Variants in ROR1 observed in about 807,000 individuals in gnomAD.
ROR1 encodes the protein ROR family WNT receptor 1.
Under a neutral mutation model 78.8 loss-of-function variants are expected in ROR1, and 19 were observed. The observed-to-expected ratio is 0.24, with a 90% CI of 0.17 to 0.35. The LOEUF is 0.35. Ranked by LOEUF, ROR1 falls within the 10% of genes least tolerant of loss-of-function variation. ROR1 has a pLI of 1.00. For missense variants in ROR1, 917 were observed against 1,177.8 expected, an observed-to-expected ratio of 0.78 and a Z score of 3.24; for synonymous variants, 386 against 433.6, an observed-to-expected ratio of 0.89 and a Z score of 1.36.
chr1:64,063,832 G>T (rs1400869026), intron 4 of ROR1, among the ~76,000 whole-genome samples: 1 of 152,108 alleles, frequency 6.6e-6, no homozygotes, highest in Non-Finnish European at 1.5e-5. Flanking sequence ...TCTCAGAGTG[G>T]TACCCAGTCA....
intron 1 of ROR1, among the ~76,000 whole-genome samples, chr1:63,865,534 T>C (rs531978681): frequency 6.6e-6 from 1 of 152,336 alleles, no homozygotes; most frequent in South Asian, 2.1e-4. Flanking sequence ...AGCAAGTTTA[T>C]TTAATTTTGT....
At chr1:64,009,860 G>A (rs1424207725) in intron 2 of ROR1, among the ~76,000 whole-genome samples, 2 of 152,112 alleles carry the variant, frequency 1.3e-5, no homozygotes, top group Non-Finnish European at 2.9e-5. Context: ...ACAGGTTTCT[G>A]CTAGGAGATT....
chr1:64,038,007 C>T (rs1646716772), intron 2 of ROR1, among the ~76,000 whole-genome samples: 1 of 152,152 alleles, frequency 6.6e-6, no homozygotes, highest in Non-Finnish European at 1.5e-5. Flanking sequence ...TCACCCCCTC[C>T]TGAGCATAAA....
At chr1:63,822,227 T>G (rs1644927663) in intron 1 of ROR1, among the ~76,000 whole-genome samples, 1 of 152,198 alleles carries the variant, frequency 6.6e-6, no homozygotes, top group African/African-American at 2.4e-5. Context: ...CTGATGAAAC[T>G]GTGGTATATG....
At chr1:64,057,159 A>G (rs1284450338) in intron 4 of ROR1, among the ~76,000 whole-genome samples, 1 of 152,142 alleles carries the variant, frequency 6.6e-6, no homozygotes, top group African/African-American at 2.4e-5. Flanking sequence ...TTTTTGGTCC[A>G]TCTTGAATTA....
intron 1 of ROR1, among the ~76,000 whole-genome samples, chr1:63,809,614 C>T (rs1644848662): frequency 6.6e-6 from 1 of 152,094 alleles, no homozygotes; most frequent in African/African-American, 2.4e-5. Flanking sequence ...AATGTACTTC[C>T]AATGTGGCAT....
chr1:63,951,939 C>A (rs1179006752), intron 1 of ROR1, among the ~76,000 whole-genome samples: 1 of 152,050 alleles, frequency 6.6e-6, no homozygotes, highest in African/African-American at 2.4e-5. Context: ...TTCATTGGTT[C>A]ATTTATTAAA....
chr1:63,923,598 A>G (rs1256312090), intron 1 of ROR1, among the ~76,000 whole-genome samples: 1 of 151,602 alleles, frequency 6.6e-6, no homozygotes, highest in Non-Finnish European at 1.5e-5. Context: ...CTACCACCTT[A>G]GTCTAAATCA....
chr1:63,930,579 C>T (rs1361944249), intron 1 of ROR1, among the ~76,000 whole-genome samples: 1 of 152,160 alleles, frequency 6.6e-6, no homozygotes, highest in Non-Finnish European at 1.5e-5. Flanking sequence ...ACACACAAGA[C>T]CTTACAGAAG....
At chr1:63,972,713 T>C (rs1311437837) in intron 1 of ROR1, among the ~76,000 whole-genome samples, 1 of 152,092 alleles carries the variant, frequency 6.6e-6, no homozygotes, top group Non-Finnish European at 1.5e-5. Context: ...TGAAAAGTAA[T>C]GGGGACTCTT....
intron 4 of ROR1, among the ~76,000 whole-genome samples, chr1:64,135,683 C>G (rs908841652): frequency 6.6e-6 from 1 of 152,132 alleles, no homozygotes; most frequent in Non-Finnish European, 1.5e-5. Context: ...TTCAGCATTA[C>G]TCTAGGATTT....
chr1:64,089,500 C>A (rs541040194), intron 4 of ROR1, among the ~76,000 whole-genome samples: 1 of 152,114 alleles, frequency 6.6e-6, no homozygotes, highest in African/African-American at 2.4e-5. Context: ...GGTGAGCCAC[C>A]GCGCCAGGCC....
chr1:64,005,716 C>T lies in ROR1; in HGVS notation c.92-3589C>T, dbSNP rs1253082211. Reference sequence around the variant, plus strand: ...AAGAAAAAAAGCTTATTAAACATCACTTTGTGAGGGGAGATTATTAATATT... The same window carrying T: ...AAGAAAAAAAGCTTATTAAACATCATTTTGTGAGGGGAGATTATTAATATT... On this transcript the variant is annotated intron_variant, in intron 1 of 8. Coordinates refer to ENST00000371079, the MANE Select transcript of ROR1 (RefSeq NM_005012.4). 2.2e-4 allele frequency among the ~76,000 whole-genome samples: 34 copies of T among 152,048 alleles called. 1 individual carries two copies. The highest frequency in any genetic ancestry group is 2.2e-3 in the Admixed American group (33 of 15,260).
chr1:64,118,055 A>C (rs1360179670), intron 4 of ROR1, among the ~76,000 whole-genome samples: 1 of 151,940 alleles, frequency 6.6e-6, no homozygotes, highest in Non-Finnish European at 1.5e-5. Context: ...ACACACAAAA[A>C]TTGCTGGGTT....
chr1:64,040,952 A>G (rs972322628), intron 2 of ROR1, among the ~76,000 whole-genome samples: 1 of 152,210 alleles, frequency 6.6e-6, no homozygotes. Context: ...GTAAAAATAA[A>G]GACTGGTAAA....
chr1:64,145,412 T>G (rs1649447816), intron 7 of ROR1, among the ~76,000 whole-genome samples: 1 of 152,258 alleles, frequency 6.6e-6, no homozygotes, highest in Admixed American at 6.5e-5. Flanking sequence ...TGTTCCTACC[T>G]GTTACTTGTT....
rs185236007 is a variant in ROR1, at chr1:63,910,564, C to T, written c.92-98741C>T. Among the ~76,000 whole-genome samples the T allele has an allele frequency of 4.5e-3, 692 of 152,226 alleles. 2 individuals are homozygous for T. The highest frequency in any genetic ancestry group is 0.01 in the Middle Eastern group (3 of 294). ...ATTTAGTGTCACTTTTGAGGCCTGT[C>T]CCCTCCAGGAAGCTTTTCCTGATCC... On this transcript the variant is annotated intron_variant, in intron 1 of 8. Transcript: ENST00000371079.
In ROR1 at chr1:63,861,054, T is replaced by TGTTTTGAGTGAGTTTTGAGTG. The variant is rs1645178834; in HGVS notation, c.91+86546_91+86547insGTTTTGAGTGAGTTTTGAGTG. Among the ~76,000 whole-genome samples, 3 of 152,206 alleles carry TGTTTTGAGTGAGTTTTGAGTG rather than the reference T, an allele frequency of 2.0e-5. No individual in the cohort carries two copies. The South Asian group carries it at 6.2e-4, about 32-fold the overall frequency. On this transcript the variant is annotated intron_variant, in intron 1 of 8. Coordinates refer to ENST00000371079, the MANE Select transcript of ROR1 (RefSeq NM_005012.4). ...TTGCCTGATGGAGTTTTGAGTGAGT[T>TGTTTTGAGTGAGTTTTGAGTG]AAATTAGGTTGTCTTGAAAATAGCT...
At chr1:63,775,111 G>A (rs980261013) in intron 1 of ROR1, among the ~76,000 whole-genome samples, 1 of 152,106 alleles carries the variant, frequency 6.6e-6, no homozygotes, top group Non-Finnish European at 1.5e-5. Flanking sequence ...TGCAGCCGCT[G>A]CCACTTTGTG....
Sources: gnomAD v4.1 joint callset for allele counts (sites outside exome capture counted in the v4.1 genomes callset) on GRCh38, gnomAD v4.1.1 for gene constraint, MANE v1.5 for transcripts, NCBI Gene and HGNC (gene_info 2026-07-23, HGNC 2026-07-21) for gene names.